The following ARHGAP39 variants were observed in gnomAD, a reference collection of about 807,000 sequenced individuals.
ARHGAP39 encodes the protein rho GTPase-activating protein 39.
Under a neutral mutation model 106.9 loss-of-function variants are expected in ARHGAP39, and 44 were observed. The ratio of observed to expected loss-of-function variants is 0.41; its 90% confidence interval spans 0.32 to 0.53. ARHGAP39 has a LOEUF of 0.53. Ranked by LOEUF, ARHGAP39 falls within the 20% of genes least tolerant of loss-of-function variation. ARHGAP39 has a pLI of 0.21. For synonymous variants in ARHGAP39, 768 were observed against 693.2 expected, an observed-to-expected ratio of 1.11 and a Z score of -1.69; for missense variants, 1,496 against 1,577.3, an observed-to-expected ratio of 0.95 and a Z score of 0.87.
intron 6 of ARHGAP39, among the ~76,000 whole-genome samples, chr8:144,543,105 G>A (rs1817265881): frequency 6.6e-6 from 1 of 152,040 alleles, no homozygotes. Context: ...AAGTAGTTGG[G>A]ACCACAAGCA....
intron 3 of ARHGAP39, among the ~76,000 whole-genome samples, chr8:144,565,871 C>T (rs952848912): frequency 4.0e-5 from 6 of 149,228 alleles, no homozygotes; most frequent in Admixed American, 2.0e-4. Context: ...GCGGGAGGAT[C>T]GCTTGAGCCC....
chr8:144,662,443 C>G, intron 1 of ARHGAP39, among the ~76,000 whole-genome samples: 1 of 147,952 alleles, frequency 6.8e-6, no homozygotes, highest in South Asian at 2.2e-4. Context: ...GGGCCGCTAC[C>G]CGCCTCCCCA....
At chr8:144,695,152 G>A in the ARHGAP39 span, among the ~76,000 whole-genome samples, 1 of 144,408 alleles carries the variant, frequency 6.9e-6, no homozygotes, top group Admixed American at 7.1e-5. Context: ...TCAGCTTACT[G>A]CAAGCTCCGC....
chr8:144,580,308 G>A (rs888953578), intron 3 of ARHGAP39, among the ~76,000 whole-genome samples: 1 of 152,060 alleles, frequency 6.6e-6, no homozygotes, highest in Non-Finnish European at 1.5e-5. Context: ...CCCCACGCCC[G>A]CACGCAAATC....
intron 1 of ARHGAP39, among the ~76,000 whole-genome samples, chr8:144,658,070 T>C (rs1010273946): frequency 1.6e-4 from 24 of 152,212 alleles, no homozygotes; most frequent in African/African-American, 5.5e-4. Flanking sequence ...GTACACAGGA[T>C]GATATATATA....
intron 3 of ARHGAP39, among the ~76,000 whole-genome samples, chr8:144,559,961 C>A (rs751075311): frequency 2.6e-5 from 4 of 152,210 alleles, no homozygotes; most frequent in Admixed American, 6.5e-5. Context: ...ACACTCAAAA[C>A]GTTCCAGATC....
At chr8:144,587,944 G>A (rs1819244904) in intron 2 of ARHGAP39, among the ~76,000 whole-genome samples, 1 of 152,228 alleles carries the variant, frequency 6.6e-6, no homozygotes, top group South Asian at 2.1e-4. Flanking sequence ...CGCCCGGCCA[G>A]AAGAAACATT....
intron 2 of ARHGAP39, among the ~76,000 whole-genome samples, chr8:144,603,277 A>G (rs1820145953): frequency 1.4e-5 from 2 of 147,288 alleles, no homozygotes. Flanking sequence ...ATGTGCGTGG[A>G]GGTGTGTGTG....
intron 1 of ARHGAP39, among the ~76,000 whole-genome samples, chr8:144,637,535 G>A (rs922406231): frequency 3.9e-5 from 6 of 152,136 alleles, no homozygotes; most frequent in African/African-American, 7.2e-5. Context: ...GCTTCAACCC[G>A]GGAGGCAGAG....
chr8:144,573,170 A>C (rs951762154), intron 3 of ARHGAP39, among the ~76,000 whole-genome samples: 14 of 152,258 alleles, frequency 9.2e-5, no homozygotes, highest in Admixed American at 3.9e-4. Flanking sequence ...TTATTGAAGC[A>C]CTAGTCACAA....
chr8:144,643,016 C>T (rs1432499292), intron 1 of ARHGAP39, among the ~76,000 whole-genome samples: 1 of 152,058 alleles, frequency 6.6e-6, no homozygotes, highest in Non-Finnish European at 1.5e-5. Context: ...CTGTTTCAAA[C>T]AAGCAAACAA....
chr8:144,581,034 C>T lies in ARHGAP39; in HGVS notation c.324G>A (p.Thr108=). ...GCGGGGACTCCGTGTTCTGCTTCAG[C>T]GTCTGCAGCTTGGCCAGCGGGATGA... ...CDIIPLAKLQ[T]LKQNTESPRA... The change falls in exon 3 of 12, where the codon ACG becomes ACA. Residue 108 remains threonine (T), a synonymous_variant. Transcript: ENST00000377307. 1 of 1,585,486 alleles carries T rather than the reference C, an allele frequency of 6.3e-7. No individual in the cohort carries two copies. Among genetic ancestry groups the T allele is most frequent in the Non-Finnish European group, 8.6e-7 (1 of 1,166,250 alleles).
At chr8:144,676,061 C>G (rs1418678783) in intron 1 of ARHGAP39, among the ~76,000 whole-genome samples, 3 of 152,166 alleles carry the variant, frequency 2.0e-5, no homozygotes, top group African/African-American at 7.2e-5. Flanking sequence ...CTCATAAAGG[C>G]GGCGCGGACC....
upstream of ARHGAP39, among the ~76,000 whole-genome samples, chr8:144,686,980 CCG>C (rs1206814389): frequency 3.4e-4 from 34 of 100,102 alleles, 3 homozygotes; most frequent in African/African-American, 1.5e-3. Flanking sequence ...CTTCCCACCC[CCG>C]TGACCACACA....
Position 144,547,867 on chromosome 8 carries a change from T to A in ARHGAP39, c.1219A>T (p.Ser407Cys). The change falls in exon 5 of 12, where the codon AGC becomes TGC. Residue 407 changes from serine (S) to cysteine (C), a missense_variant. Transcript: ENST00000377307. This position sits in a 1 kb window ranked among gnomAD's most constrained non-coding sequence, Gnocchi z 5.2. ...QLVYVEQAGS[S>C]PKLRAGPRHK... ...CGCGGGCCGGCGCGCAGCTTGGGGC[T>A]GGAGCCCGCCTGCTCCACGTAGACC... 2 of 1,585,456 alleles carry A rather than the reference T, an allele frequency of 1.3e-6. No individual in the cohort carries two copies. Among genetic ancestry groups the A allele is most frequent in the Non-Finnish European group, 1.7e-6 (2 of 1,166,514 alleles).
At chr8:144,690,428 A>G (rs1173813860), upstream of ARHGAP39, among the ~76,000 whole-genome samples, 16 of 152,046 alleles carry the variant, frequency 1.1e-4, no homozygotes. Flanking sequence ...TCCCACCGAC[A>G]GTGCATAAGG....
intron 1 of ARHGAP39, among the ~76,000 whole-genome samples, chr8:144,680,836 C>G (rs756300609): frequency 2.6e-5 from 4 of 152,050 alleles, no homozygotes; most frequent in African/African-American, 4.8e-5. Flanking sequence ...AAGACTGGTA[C>G]GAGTTTCATA....
intron 3 of ARHGAP39, among the ~76,000 whole-genome samples, chr8:144,576,332 CAAAAAAAAAAAAAA>C (rs67038997): frequency 1.6e-5 from 1 of 63,812 alleles, no homozygotes; most frequent in African/African-American, 5.9e-5. Context: ...GACTCCGTCT[CAAAAAAAAAAAAAA>C]AAAAAAAAAA....
In ARHGAP39 at chr8:144,560,349, C is replaced by T. The variant is rs1321566016; in HGVS notation, c.513-4706G>A. On this transcript the variant is annotated intron_variant, in intron 3 of 11. Transcript: ENST00000377307. Reference sequence around the variant, plus strand: ...ACTTGGGAGGCTGAGGCAGGAGAATCGCTTGAACCCAAGAGGCAGAGGTTG... The same window carrying T: ...ACTTGGGAGGCTGAGGCAGGAGAATTGCTTGAACCCAAGAGGCAGAGGTTG... 2.6e-5 allele frequency among the ~76,000 whole-genome samples: 4 copies of T among 152,176 alleles called. 1 individual carries two copies. The highest frequency in any genetic ancestry group is 1.5e-5 in the Non-Finnish European group (1 of 68,022).
Sources: gnomAD v4.1 joint callset for allele counts (sites outside exome capture counted in the v4.1 genomes callset) on GRCh38, gnomAD v4.1.1 for gene constraint, Gnocchi (gnomAD v3.1) non-coding constraint, MANE v1.5 for transcripts, NCBI Gene and HGNC (gene_info 2026-07-23, HGNC 2026-07-21) for gene names.